The following DIAPH3 variants were observed in gnomAD, a reference collection of about 807,000 sequenced individuals.
The protein encoded by DIAPH3 is protein diaphanous homolog 3.
Under a neutral mutation model 144.3 loss-of-function variants are expected in DIAPH3, and 117 were observed. That is an observed-to-expected ratio of 0.81 (90% confidence interval 0.70 to 0.95). The LOEUF (loss-of-function observed/expected upper bound fraction) is 0.95. Ranked by LOEUF, DIAPH3 falls within the 40% of genes least tolerant of loss-of-function variation. The pLI, the probability that DIAPH3 is intolerant of heterozygous loss-of-function variation, is 0.00. For missense variants in DIAPH3, 1,421 were observed against 1,412.7 expected (o/e 1.01, Z -0.09); for synonymous variants, 519 against 488.9 (o/e 1.06, Z -0.81).
chr13:59,687,419 G>T (rs2033274766), intron 27 of DIAPH3, among the ~76,000 whole-genome samples: 1 of 152,036 alleles, frequency 6.6e-6, no homozygotes, highest in African/African-American at 2.4e-5. Flanking sequence ...ACTTTTGATG[G>T]AGTATAAGTA....
At chr13:59,907,448 T>C (rs1489211123) in intron 20 of DIAPH3, among the ~76,000 whole-genome samples, 1 of 152,214 alleles carries the variant, frequency 6.6e-6, no homozygotes, top group African/African-American at 2.4e-5. Context: ...GGATTTTTGA[T>C]GTGTTACTTT....
intron 17 of DIAPH3, among the ~76,000 whole-genome samples, chr13:59,968,723 T>C (rs1260492200): frequency 1.3e-5 from 2 of 152,234 alleles, no homozygotes; most frequent in African/African-American, 4.8e-5. Context: ...TTTCTTAATT[T>C]ACAATTACCT....
At chr13:59,802,677 T>TTTTC in intron 25 of DIAPH3, among the ~76,000 whole-genome samples, 1 of 67,518 alleles carries the variant, frequency 1.5e-5, no homozygotes, top group Non-Finnish European at 3.1e-5. Context: ...ATTTTTTTTT[T>TTTTC]TTTTTTTTTT....
intron 17 of DIAPH3, among the ~76,000 whole-genome samples, chr13:59,937,457 T>A (rs1406911044): frequency 3.3e-5 from 5 of 152,168 alleles, no homozygotes; most frequent in African/African-American, 1.2e-4. Context: ...TAAACCAGCT[T>A]ACTAGTATTT....
At chr13:59,851,148 T>A (rs2042945867) in intron 22 of DIAPH3, among the ~76,000 whole-genome samples, 1 of 152,090 alleles carries the variant, frequency 6.6e-6, no homozygotes, top group Admixed American at 6.5e-5. Context: ...GCAAACCGAA[T>A]CCAGTAGCAC....
chr13:59,793,492 A>G (rs1484518189), intron 25 of DIAPH3, among the ~76,000 whole-genome samples: 1 of 152,144 alleles, frequency 6.6e-6, no homozygotes, highest in Non-Finnish European at 1.5e-5. Flanking sequence ...CTGTTAGTTC[A>G]TTACATGATT....
chr13:60,027,589 C>A (rs753336835), intron 5 of DIAPH3, among the ~76,000 whole-genome samples: 1 of 152,046 alleles, frequency 6.6e-6, no homozygotes, highest in Non-Finnish European at 1.5e-5. Flanking sequence ...AACAAGAGTT[C>A]TTGACCTTTA....
intron 25 of DIAPH3, among the ~76,000 whole-genome samples, chr13:59,808,261 A>G (rs919361441): frequency 6.6e-6 from 1 of 151,936 alleles, no homozygotes; most frequent in Non-Finnish European, 1.5e-5. Context: ...ATGAATACAT[A>G]CTGAGCTAAC....
chr13:59,804,578 T>TAGC lies in DIAPH3; in HGVS notation c.3163+6209_3163+6210insGCT, dbSNP rs572009867. Reference sequence around the variant, plus strand: ...TGTGATCAATAAATGCCAGCAGTAGTAGTAGCAGTTGTTGTTGTTGTTGTT... The same window carrying TAGC: ...TGTGATCAATAAATGCCAGCAGTAGTAGCAGTAGCAGTTGTTGTTGTTGTTGTT... On this transcript the variant is annotated intron_variant, in intron 25 of 27. Transcript: ENST00000400324. Among the ~76,000 whole-genome samples the TAGC allele has an allele frequency of 2.7e-3, 418 of 152,148 alleles. 3 individuals are homozygous for TAGC. The highest frequency in any genetic ancestry group is 9.6e-3 in the African/African-American group (399 of 41,442).
chr13:60,102,397 T>C (rs890627262), intron 3 of DIAPH3, among the ~76,000 whole-genome samples: 1 of 152,216 alleles, frequency 6.6e-6, no homozygotes, highest in Admixed American at 6.5e-5. Context: ...TTGCTGCCTC[T>C]TTCACCGTGC....
At chr13:59,733,049 G>A (rs1437534943) in intron 27 of DIAPH3, among the ~76,000 whole-genome samples, 1 of 152,060 alleles carries the variant, frequency 6.6e-6, no homozygotes, top group Non-Finnish European at 1.5e-5. Flanking sequence ...CTAAATGTGA[G>A]TTGCAGTTAA....
chr13:60,080,582 G>T (rs1391973908), intron 4 of DIAPH3, among the ~76,000 whole-genome samples: 1 of 151,730 alleles, frequency 6.6e-6, no homozygotes, highest in African/African-American at 2.4e-5. Context: ...GAACTCAAGG[G>T]TAAAAAAGAT....
chr13:59,754,483 T>C (rs1193693494), intron 27 of DIAPH3, among the ~76,000 whole-genome samples: 1 of 152,168 alleles, frequency 6.6e-6, no homozygotes, highest in African/African-American at 2.4e-5. Flanking sequence ...ATCTATTCCC[T>C]CCGCTCTACC....
chr13:59,874,018 C>T lies in DIAPH3; in HGVS notation c.2607+5211G>A, dbSNP rs530683304. On this transcript the variant is annotated intron_variant, in intron 21 of 27. Coordinates refer to ENST00000400324, the MANE Select transcript of DIAPH3 (RefSeq NM_001042517.2). ...AGAAGTAAAGTTGTTTCGTTTTTGT[C>T]GTGGCTTTGGTGTTGGTTAATTTTC... Among the ~76,000 whole-genome samples the T allele has an allele frequency of 8.5e-5, 13 of 152,164 alleles. No individual in the cohort carries two copies. The South Asian group carries it at 2.3e-3, about 27-fold the overall frequency.
intron 18 of DIAPH3, among the ~76,000 whole-genome samples, chr13:59,918,829 C>T (rs191110762): frequency 4.9e-4 from 75 of 151,664 alleles, no homozygotes; most frequent in Middle Eastern, 3.4e-3. Context: ...CATGACATCA[C>T]CAAAGGGACA....
intron 4 of DIAPH3, among the ~76,000 whole-genome samples, chr13:60,044,815 T>C (rs746855582): frequency 1.2e-4 from 18 of 152,206 alleles, no homozygotes; most frequent in African/African-American, 4.1e-4. Context: ...AGGGATCCAG[T>C]AGGAGGTAAC....
intron 1 of DIAPH3, 41 bp downstream of exon 1, chr13:60,163,546 G>T: frequency 6.4e-7 from 1 of 1,568,394 alleles, no homozygotes; most frequent in South Asian, 1.2e-5. Flanking sequence ...GCCCTACGGC[G>T]GGGCGGGAGC....
At chr13:59,919,662 A>C (rs1373246676) in intron 18 of DIAPH3, among the ~76,000 whole-genome samples, 1 of 152,122 alleles carries the variant, frequency 6.6e-6, no homozygotes, top group Non-Finnish European at 1.5e-5. Flanking sequence ...GCTAAATGAA[A>C]TTCTGCCAGT....
In DIAPH3 at chr13:59,810,122, G is replaced by GA. The variant is rs201665745; in HGVS notation, c.3163+665dup. Among the ~76,000 whole-genome samples the GA allele has an allele frequency of 6.0e-4, 89 of 148,652 alleles. 1 individual carries two copies. The highest frequency in any genetic ancestry group is 1.9e-3 in the African/African-American group (77 of 40,658). ...GACAACAATTTTGTCATGTTTACAA[G>GA]AAAAAAAAAAGTATCCAAAATGTTC... On this transcript the variant is annotated intron_variant, in intron 25 of 27. Transcript: ENST00000400324.
Sources: allele counts gnomAD v4.1 joint callset (sites outside exome capture counted in the v4.1 genomes callset), GRCh38; gene constraint gnomAD v4.1.1; transcripts MANE v1.5; gene names NCBI Gene and HGNC (gene_info 2026-07-23, HGNC 2026-07-21).